Variants in OSBPL2 observed in about 807,000 individuals in gnomAD.
OSBPL2 encodes the protein oxysterol-binding protein-related protein 2.
A neutral mutation model predicts 58.4 loss-of-function variants in OSBPL2; 18 were observed. The ratio of observed to expected loss-of-function variants is 0.31; its 90% confidence interval spans 0.21 to 0.46. The LOEUF is 0.46. Ranked by LOEUF, OSBPL2 falls within the 20% of genes least tolerant of loss-of-function variation. OSBPL2 has a pLI of 1.00. For synonymous variants in OSBPL2, 221 were observed against 234.1 expected (o/e 0.94, Z 0.51); for missense variants, 461 against 616.5 (o/e 0.75, Z 2.67).
intron 4 of OSBPL2, among the ~76,000 whole-genome samples, chr20:62,264,309 T>C (rs1024091300): frequency 3.3e-4 from 50 of 152,072 alleles, no homozygotes; most frequent in African/African-American, 1.1e-3. Flanking sequence ...CTTTGTCAGG[T>C]GCTCAGGGTT....
At chr20:62,292,815 G>A (rs1481988435) in intron 13 of OSBPL2, among the ~76,000 whole-genome samples, 2 of 151,738 alleles carry the variant, frequency 1.3e-5, no homozygotes, top group Admixed American at 6.6e-5. Flanking sequence ...GGCTTTGAAT[G>A]GTTTGATATT....
chr20:62,280,185 A>C, intron 7 of OSBPL2: 10 of 1,103,780 alleles, frequency 9.1e-6, no homozygotes, highest in Non-Finnish European at 1.2e-5. Context: ...ACAAATACAT[A>C]CAGAAATAAG....
chr20:62,241,977 A>G (rs1045971145), intron 1 of OSBPL2, among the ~76,000 whole-genome samples: 4 of 152,242 alleles, frequency 2.6e-5, no homozygotes, highest in South Asian at 4.1e-4. Context: ...AACCTTATCT[A>G]CACTGAAAGG....
At chr20:62,260,317 C>G (rs376526269) in intron 3 of OSBPL2, among the ~76,000 whole-genome samples, 192 bp downstream of exon 3, 1 of 152,200 alleles carries the variant, frequency 6.6e-6, no homozygotes, top group African/African-American at 2.4e-5. Flanking sequence ...TCTCTTGGCT[C>G]CTGGAATCCA....
rs6089717 is a variant in OSBPL2 at position 62,277,400 on chromosome 20, G to A, written c.492-1757G>A. ...GCACCCTTCCCCAGGGGCTGCACCCGGGGCCGGAGCTCCTGCTGCACAGCC... is the reference window on the plus strand; with the variant it reads ...GCACCCTTCCCCAGGGGCTGCACCCAGGGCCGGAGCTCCTGCTGCACAGCC... On this transcript the variant is annotated intron_variant, in intron 6 of 13. Transcript: ENST00000313733. Among the ~76,000 whole-genome samples, 874 of 152,368 alleles carry A rather than the reference G, an allele frequency of 5.7e-3. 6 individuals carry two copies. The highest frequency in any genetic ancestry group is 0.011 in the African/African-American group (439 of 41,590).
rs147891445 is a variant in OSBPL2 at position 62,251,865 on chromosome 20, C to CT, written c.-128-4161dup. Among the ~76,000 whole-genome samples the CT allele has an allele frequency of 3.1e-4, 13 of 41,768 alleles. 2 individuals are homozygous for CT. Among genetic ancestry groups the CT allele is most frequent in the African/African-American group, 8.6e-4 (8 of 9,308 alleles). The allele number at this position is 41,768 out of a possible 152,430, so 27.4% of individuals were successfully genotyped here. ...TCAAGCGTCATTTTAATTGGTATGC[C>CT]TTTTTTTTTTTTTTTTTTTTTTTTT... On this transcript the variant is annotated intron_variant, in intron 1 of 13. Transcript: ENST00000313733.
At chr20:62,285,245 C>A (rs1983039310) in intron 10 of OSBPL2, 1 of 152,198 alleles carries the variant, frequency 6.6e-6, no homozygotes, top group South Asian at 2.1e-4. Flanking sequence ...ACTAGACAGA[C>A]CTAGAAGGGT....
Position 62,288,330 on chromosome 20 carries a change from G to C in OSBPL2, c.1126-877G>C, listed in dbSNP as rs901715643. Among the ~76,000 whole-genome samples the C allele has an allele frequency of 6.6e-6, 1 of 152,190 alleles. No homozygotes were observed. The highest frequency in any genetic ancestry group is 2.4e-5 in the African/African-American group (1 of 41,428). On this transcript the variant is annotated intron_variant, in intron 11 of 13. Coordinates refer to ENST00000313733, the MANE Select transcript of OSBPL2 (RefSeq NM_144498.4). This position sits in a 1 kb window ranked among gnomAD's most constrained non-coding sequence, Gnocchi z 4.8. ...CGGGTGGTGGCTGGAGGGCCTGGCT[G>C]TGGTGGGAGGACCTGAGTGGAGCCA...
intron 3 of OSBPL2, among the ~76,000 whole-genome samples, chr20:62,262,151 T>C (rs1981358010): frequency 7.3e-6 from 1 of 136,680 alleles, no homozygotes; most frequent in Non-Finnish European, 1.6e-5. Context: ...GGCCTCACAC[T>C]CCTGCTCCTA....
chr20:62,257,953 G>A (rs975644935), intron 2 of OSBPL2, among the ~76,000 whole-genome samples: 3 of 152,132 alleles, frequency 2.0e-5, no homozygotes, highest in African/African-American at 7.2e-5. Flanking sequence ...GACCTCAGGT[G>A]ATCCACCTGC....
At chr20:62,243,219 G>A (rs1053211818) in intron 1 of OSBPL2, among the ~76,000 whole-genome samples, 1 of 152,222 alleles carries the variant, frequency 6.6e-6, no homozygotes, top group Admixed American at 6.5e-5. Flanking sequence ...CTGTGGTGGC[G>A]AGCTCCTGCG....
chr20:62,275,847 T>G (rs1982355041), intron 6 of OSBPL2, among the ~76,000 whole-genome samples: 2 of 152,178 alleles, frequency 1.3e-5, no homozygotes, highest in African/African-American at 4.8e-5. Context: ...GTGCAGTTCC[T>G]TTGAAACTTA....
chr20:62,241,740 G>T (rs1163629782), intron 1 of OSBPL2, among the ~76,000 whole-genome samples: 1 of 152,240 alleles, frequency 6.6e-6, no homozygotes, highest in African/African-American at 2.4e-5. Context: ...CTGATACGTT[G>T]TGGGTGCCTG....
intron 7 of OSBPL2, chr20:62,279,567 T>C: frequency 1.8e-6 from 1 of 559,966 alleles, no homozygotes; most frequent in Non-Finnish European, 3.2e-6. Context: ...TTCGGTCACA[T>C]CATTCATTGT....
intron 1 of OSBPL2, among the ~76,000 whole-genome samples, chr20:62,250,825 G>A (rs1980475109): frequency 2.0e-5 from 3 of 152,062 alleles, no homozygotes; most frequent in South Asian, 2.1e-4. Context: ...CTCAGGAGGC[G>A]GGGGTGGAAG....
chr20:62,253,985 A>G (rs1980752185), intron 1 of OSBPL2, among the ~76,000 whole-genome samples: 1 of 151,894 alleles, frequency 6.6e-6, no homozygotes, highest in South Asian at 2.1e-4. Flanking sequence ...TTTAGTAAAG[A>G]TGGGGTTTCA....
chr20:62,289,632 G>A (rs917141487), intron 12 of OSBPL2, among the ~76,000 whole-genome samples: 4 of 152,212 alleles, frequency 2.6e-5, no homozygotes, highest in Non-Finnish European at 4.4e-5. Flanking sequence ...GGCCGAGCGC[G>A]GTGGCTCACG....
chr20:62,281,975 C>T (rs1454512827), intron 9 of OSBPL2, 96 bp downstream of exon 9: 1 of 745,788 alleles, frequency 1.3e-6, no homozygotes, highest in African/African-American at 1.7e-5. Flanking sequence ...TGCCTACGTG[C>T]ATGAGACGCG....
chr20:62,247,706 G>A (rs566415655), intron 1 of OSBPL2, among the ~76,000 whole-genome samples: 3 of 147,214 alleles, frequency 2.0e-5, no homozygotes, highest in South Asian at 2.1e-4. Context: ...TCGCTCTGTC[G>A]CCCAGGCTGG....
Sources: gnomAD v4.1 joint callset for allele counts (sites outside exome capture counted in the v4.1 genomes callset) on GRCh38, gnomAD v4.1.1 for gene constraint, Gnocchi (gnomAD v3.1) non-coding constraint, MANE v1.5 for transcripts, NCBI Gene and HGNC (gene_info 2026-07-23, HGNC 2026-07-21) for gene names.